UNC13C: variants seen among roughly 807,000 people sequenced by gnomAD.
UNC13C encodes the protein protein unc-13 homolog C.
In UNC13C, 174 loss-of-function variants were observed where a neutral mutation model predicts 245.4. The ratio of observed to expected loss-of-function variants is 0.71; its 90% CI spans 0.63 to 0.80. The LOEUF (loss-of-function observed/expected upper bound fraction) is 0.80. Among genes scored for constraint, UNC13C ranks in the 30% least tolerant of loss-of-function variants. The pLI, the probability that UNC13C is intolerant of heterozygous loss-of-function variation, is 0.00. For missense variants in UNC13C, 2,829 were observed against 2,602.9 expected, an observed-to-expected ratio of 1.09 and a Z score of -1.89; for synonymous variants, 992 against 895.1, an observed-to-expected ratio of 1.11 and a Z score of -1.93.
intron 4 of UNC13C, 70 bp downstream of exon 4, chr15:54,143,754 T>G: frequency 8.7e-7 from 1 of 1,155,158 alleles, no homozygotes; most frequent in Non-Finnish European, 1.3e-6. Flanking sequence ...TCAACATATA[T>G]GCTTTGAGTG....
Position 54,086,737 on chromosome 15 carries a change from C to CTTTTTTTTTTTTTTTTTTTTTT in UNC13C, c.2984-56263_2984-56262insTTTTTTTTTTTTTTTTTTTTTT, listed in dbSNP as rs57209912. The stretch of plus-strand genomic sequence containing the variant: ...GTACTATGTGTTGCTTATTTTCTTT[C>CTTTTTTTTTTTTTTTTTTTTTT]TTTTTTTTTTTTTTTTTTGAGATGG... On this transcript the variant is annotated intron_variant, in intron 2 of 32. Transcript: ENST00000260323. 3.9e-4 allele frequency among the ~76,000 whole-genome samples: 36 copies of CTTTTTTTTTTTTTTTTTTTTTT among 92,008 alleles called. 3 individuals are homozygous for CTTTTTTTTTTTTTTTTTTTTTT. The highest frequency in any genetic ancestry group is 5.3e-4 in the Non-Finnish European group (25 of 47,066). 60.4% of individuals were successfully genotyped at this position (92,008 alleles called of 152,430 possible). A position where few individuals can be genotyped will look rare whatever the true frequency, so the allele number is the denominator to read the frequency against.
the UNC13C span, among the ~76,000 whole-genome samples, chr15:53,890,741 T>C: frequency 7.3e-6 from 1 of 136,940 alleles, no homozygotes. Flanking sequence ...TGTGTCTGTT[T>C]GATTCTTCTC....
At chr15:54,517,896 A>C (rs942921030) in intron 24 of UNC13C, among the ~76,000 whole-genome samples, 9 of 152,172 alleles carry the variant, frequency 5.9e-5, no homozygotes, top group Non-Finnish European at 1.3e-4. Flanking sequence ...ATCCTGCAAC[A>C]ATTCAGAAAT....
intron 30 of UNC13C, among the ~76,000 whole-genome samples, chr15:54,584,741 C>G (rs1448500458): frequency 6.6e-6 from 1 of 152,150 alleles, no homozygotes; most frequent in East Asian, 1.9e-4. Context: ...CAGAGCACAC[C>G]TGTAATATTT....
intron 2 of UNC13C, among the ~76,000 whole-genome samples, chr15:54,073,538 C>A (rs79341161): frequency 0.47 from 71,243 of 152,010 alleles, 18,650 homozygotes; most frequent in Non-Finnish European, 0.6. Context: ...TCCTCTCCAG[C>A]ATCTGTTGTT....
chr15:53,881,393 A>G, the UNC13C span, among the ~76,000 whole-genome samples: 42 of 152,336 alleles, frequency 2.8e-4, no homozygotes, highest in Middle Eastern at 3.4e-3. Flanking sequence ...TTTGTCTTGC[A>G]CTGGGATCAT....
At chr15:54,360,267 T>A (rs1241908132) in intron 17 of UNC13C, among the ~76,000 whole-genome samples, 3 of 151,994 alleles carry the variant, frequency 2.0e-5, no homozygotes, top group Admixed American at 2.0e-4. Context: ...TGAGAAAAAA[T>A]TTTATTCAGC....
At chr15:54,295,337 A>G (rs562226941) in intron 11 of UNC13C, among the ~76,000 whole-genome samples, 2 of 152,304 alleles carry the variant, frequency 1.3e-5, no homozygotes, top group East Asian at 3.9e-4. Context: ...AAATTTCTCC[A>G]ATGTATTCTT....
intron 2 of UNC13C, among the ~76,000 whole-genome samples, chr15:54,070,737 G>T (rs113209004): frequency 6.6e-6 from 1 of 152,120 alleles, no homozygotes; most frequent in African/African-American, 2.4e-5. Context: ...CAGTTTCTCG[G>T]CTTCCTTCAT....
chr15:54,215,510 C>G (rs978162531), intron 4 of UNC13C, among the ~76,000 whole-genome samples: 1 of 151,818 alleles, frequency 6.6e-6, no homozygotes, highest in African/African-American at 2.4e-5. Flanking sequence ...TTCAAAGGAA[C>G]AAAGGTTTGA....
intron 17 of UNC13C, among the ~76,000 whole-genome samples, chr15:54,348,121 T>C (rs1429898142): frequency 6.6e-6 from 1 of 152,188 alleles, no homozygotes; most frequent in East Asian, 1.9e-4. Context: ...GTTTGTTGAT[T>C]TTTACAACTG....
chr15:53,916,774 C>T, the UNC13C span, among the ~76,000 whole-genome samples: 1 of 152,170 alleles, frequency 6.6e-6, no homozygotes, highest in Non-Finnish European at 1.5e-5. Flanking sequence ...AACAATCACA[C>T]ATCAGCATGC....
chr15:54,366,276 G>A (rs184400827), intron 17 of UNC13C, among the ~76,000 whole-genome samples: 1 of 152,248 alleles, frequency 6.6e-6, no homozygotes, highest in Admixed American at 6.5e-5. Context: ...TCCATAACGT[G>A]GCAAAATGTA....
chr15:54,453,726 C>G (rs187728692), intron 19 of UNC13C, among the ~76,000 whole-genome samples: 1 of 152,136 alleles, frequency 6.6e-6, no homozygotes, highest in African/African-American at 2.4e-5. Flanking sequence ...TCACTGCCAC[C>G]AGCTATAAAT....
At chr15:54,050,862 A>G (rs1213623368) in intron 2 of UNC13C, 14 of 564,332 alleles carry the variant, frequency 2.5e-5, no homozygotes, top group South Asian at 1.9e-4. Context: ...CTTAAAAGAG[A>G]TATCTTCAGT....
At chr15:53,864,515 G>A in the UNC13C span, among the ~76,000 whole-genome samples, 1 of 152,072 alleles carries the variant, frequency 6.6e-6, no homozygotes, top group Non-Finnish European at 1.5e-5. Context: ...ATGACTTTTA[G>A]TCAAAGGAAT....
intron 17 of UNC13C, among the ~76,000 whole-genome samples, chr15:54,381,213 A>T (rs117386253): frequency 0.017 from 2,560 of 152,148 alleles, 38 homozygotes; most frequent in Non-Finnish European, 0.024. Flanking sequence ...GATTGAAGAG[A>T]TTGTCCTTTA....
At chr15:54,244,984 G>A (rs56813223) in intron 7 of UNC13C, among the ~76,000 whole-genome samples, 3,911 of 152,040 alleles carry the variant, frequency 0.026, 161 homozygotes, top group African/African-American at 0.089. Context: ...TGCCCTAGCC[G>A]GAACTTTCAA....
At chr15:54,480,176 G>A (rs1055381261) in intron 19 of UNC13C, among the ~76,000 whole-genome samples, 2 of 152,020 alleles carry the variant, frequency 1.3e-5, no homozygotes, top group Non-Finnish European at 2.9e-5. Context: ...TCTGTTGGAA[G>A]ATCTGTGAGC....
Sources: gnomAD v4.1 joint callset for allele counts (sites outside exome capture counted in the v4.1 genomes callset) on GRCh38, gnomAD v4.1.1 for gene constraint, MANE v1.5 for transcripts, NCBI Gene and HGNC (gene_info 2026-07-23, HGNC 2026-07-21) for gene names.